Variants in WWOX observed in about 807,000 individuals in gnomAD.
The protein encoded by WWOX is WW domain containing oxidoreductase, also known as WW domain-containing oxidoreductase.
WWOX carries 69 observed loss-of-function variants against 46.2 expected under a neutral mutation model. The observed-to-expected ratio is 1.49, with a 90% CI of 1.23 to 1.82. The LOEUF is 1.82. Among genes scored for constraint, WWOX ranks in the 40% most tolerant of loss-of-function variants. The pLI, the probability that WWOX is intolerant of heterozygous loss-of-function variation, is 0.00. For synonymous variants in WWOX, 359 were observed against 202.6 expected, an observed-to-expected ratio of 1.77 and a Z score of -6.56; for missense variants, 919 against 542.6, an observed-to-expected ratio of 1.69 and a Z score of -6.89.
At chr16:79,147,234 C>T (rs1301188516) in intron 8 of WWOX, among the ~76,000 whole-genome samples, 1 of 152,184 alleles carries the variant, frequency 6.6e-6, no homozygotes, top group East Asian at 1.9e-4. Context: ...GCCTTGCAAA[C>T]CACACCCACC....
intron 8 of WWOX, among the ~76,000 whole-genome samples, chr16:79,207,667 T>C (rs1045399262): frequency 6.6e-5 from 10 of 152,252 alleles, no homozygotes; most frequent in African/African-American, 2.4e-4. Context: ...TCCTCTTTCT[T>C]TTAAATGAGC....
intron 8 of WWOX, among the ~76,000 whole-genome samples, chr16:78,926,218 A>G (rs1040724335): frequency 5.3e-5 from 8 of 152,068 alleles, no homozygotes; most frequent in African/African-American, 1.9e-4. Flanking sequence ...TCAAAAATTT[A>G]CAAGCTTAGC....
intron 8 of WWOX, among the ~76,000 whole-genome samples, chr16:78,687,194 G>T (rs544106601): frequency 7.2e-5 from 11 of 152,086 alleles, no homozygotes; most frequent in African/African-American, 2.7e-4. Context: ...CAGTTCTCTT[G>T]TCTCTGTTCA....
chr16:78,822,042 A>G (rs1431104813), intron 8 of WWOX, among the ~76,000 whole-genome samples: 1 of 152,000 alleles, frequency 6.6e-6, no homozygotes, highest in Non-Finnish European at 1.5e-5. Context: ...ATGCCCAGCT[A>G]TTTTTAAAAT....
intron 8 of WWOX, among the ~76,000 whole-genome samples, chr16:78,811,748 C>T (rs1046808124): frequency 1.3e-5 from 2 of 152,048 alleles, no homozygotes; most frequent in Non-Finnish European, 1.5e-5. Flanking sequence ...AACCTAACAA[C>T]CTCTCCAGGG....
chr16:79,068,035 G>A (rs1178975398), intron 8 of WWOX, among the ~76,000 whole-genome samples: 2 of 152,014 alleles, frequency 1.3e-5, no homozygotes, highest in Non-Finnish European at 2.9e-5. Flanking sequence ...CTTTGCCTTG[G>A]CCATGGTCAG....
intron 5 of WWOX, among the ~76,000 whole-genome samples, chr16:78,263,132 C>T (rs181979317): frequency 5.6e-4 from 86 of 152,224 alleles, no homozygotes; most frequent in African/African-American, 1.6e-3. Flanking sequence ...CTCAGCTACT[C>T]GAGAGGCTGA....
In WWOX at chr16:78,465,188, G is replaced by T. The variant is rs536188375; in HGVS notation, c.1056+32436G>T. 4.2e-4 allele frequency among the ~76,000 whole-genome samples: 64 copies of T among 152,294 alleles called. No individual in the cohort carries two copies. The South Asian group carries it at 0.011, about 27-fold the overall frequency. On this transcript the variant is annotated intron_variant, in intron 8 of 8. Coordinates refer to ENST00000566780, the MANE Select transcript of WWOX (RefSeq NM_016373.4). ...GGAACTACAGTTCAAGATGAGATTT[G>T]GGTGGGGACACAGACAAATTGTATC...
intron 8 of WWOX, chr16:78,525,184 CTTTTTTTTTTTT>C (rs56305807): frequency 2.0e-5 from 2 of 102,182 alleles, no homozygotes; most frequent in African/African-American, 3.6e-5. Flanking sequence ...TTTTTCTTTT[CTTTTTTTTTTTT>C]TTTTTTTGAA....
intron 8 of WWOX, among the ~76,000 whole-genome samples, chr16:78,739,246 G>A (rs1597522840): frequency 6.6e-6 from 1 of 152,312 alleles, no homozygotes. Context: ...TGGAGGCCAT[G>A]TTGTTTGTGG....
intron 1 of WWOX, among the ~76,000 whole-genome samples, chr16:78,106,892 GAGACTGGCTGGACTCAGCT>G (rs1386384524): frequency 6.6e-6 from 1 of 152,182 alleles, no homozygotes; most frequent in Non-Finnish European, 1.5e-5. Flanking sequence ...TAGCCCTGAG[GAGACTGGCTGGACTCAGCT>G]AGCATGGGCT....
At chr16:78,602,510 G>A (rs970615989) in intron 8 of WWOX, among the ~76,000 whole-genome samples, 1 of 152,144 alleles carries the variant, frequency 6.6e-6, no homozygotes, top group Non-Finnish European at 1.5e-5. Context: ...GGGATTACAG[G>A]TGCTAGCCAC....
At chr16:79,188,924 A>T (rs1253048966) in intron 8 of WWOX, among the ~76,000 whole-genome samples, 1 of 152,194 alleles carries the variant, frequency 6.6e-6, no homozygotes, top group Non-Finnish European at 1.5e-5. Context: ...CAGAGGGAAA[A>T]TATTACTTCT....
At chr16:78,478,482 C>A (rs556491314) in intron 8 of WWOX, among the ~76,000 whole-genome samples, 51 of 152,290 alleles carry the variant, frequency 3.3e-4, no homozygotes, top group African/African-American at 1.1e-3. Context: ...ATTTCCCTCC[C>A]TTCCACAAAA....
intron 5 of WWOX, among the ~76,000 whole-genome samples, chr16:78,313,723 A>T (rs150193007): frequency 1.0e-3 from 156 of 152,332 alleles, no homozygotes; most frequent in Middle Eastern, 3.4e-3. Flanking sequence ...TGTCCCTGCC[A>T]TCTAAATGCT....
chr16:78,369,984 T>C (rs76200636), intron 5 of WWOX, among the ~76,000 whole-genome samples: 3 of 151,730 alleles, frequency 2.0e-5, no homozygotes, highest in Non-Finnish European at 4.4e-5. Flanking sequence ...ACTACAAAAA[T>C]AGCCAGGTGT....
At chr16:78,695,294 G>A (rs75178768) in intron 8 of WWOX, among the ~76,000 whole-genome samples, 1 of 152,134 alleles carries the variant, frequency 6.6e-6, no homozygotes, top group South Asian at 2.1e-4. Flanking sequence ...GGGGAGCAAA[G>A]CAGCTTCCCC....
intron 5 of WWOX, among the ~76,000 whole-genome samples, chr16:78,204,035 A>G (rs770527035): frequency 1.3e-5 from 2 of 152,188 alleles, no homozygotes; most frequent in Non-Finnish European, 2.9e-5. Context: ...GTTGTCAGCC[A>G]TCCCCTCAAC....
At chr16:78,753,427 C>T (rs1188466375) in intron 8 of WWOX, among the ~76,000 whole-genome samples, 3 of 152,058 alleles carry the variant, frequency 2.0e-5, no homozygotes, top group Admixed American at 6.5e-5. Flanking sequence ...GACCAGTCAC[C>T]CCTGTGTCTT....
Sources: allele counts gnomAD v4.1 joint callset (sites outside exome capture counted in the v4.1 genomes callset), GRCh38; gene constraint gnomAD v4.1.1; transcripts MANE v1.5; gene names NCBI Gene and HGNC (gene_info 2026-07-23, HGNC 2026-07-21).